Variants in ANK3 observed in about 807,000 individuals in gnomAD.
ANK3 encodes ankyrin-3.
Under a neutral mutation model 370.9 loss-of-function variants are expected in ANK3, and 57 were observed. The observed-to-expected ratio is 0.15, with a 90% CI of 0.12 to 0.19. The LOEUF is 0.19. ANK3 is among the 10% of genes least tolerant of loss of function. ANK3 has a pLI of 1.00. For synonymous variants in ANK3, 1,929 were observed against 1,946.3 expected (o/e 0.99, Z 0.23); for missense variants, 4,439 against 5,302.1 (o/e 0.84, Z 5.06).
intron 1 of ANK3, among the ~76,000 whole-genome samples, chr10:60,371,969 A>G (rs1594684613): frequency 6.6e-6 from 1 of 152,350 alleles, no homozygotes; most frequent in East Asian, 1.9e-4. Flanking sequence ...TTTAGAATAT[A>G]ATTTCTAAGT....
At chr10:60,198,577 G>GA in intron 13 of ANK3, 40 bp from the exon 14 acceptor site, 1 of 1,578,270 alleles carries the variant, frequency 6.3e-7, no homozygotes, top group Non-Finnish European at 8.7e-7. Context: ...ATGAGCTGAG[G>GA]AAACAATGGT....
chr10:60,707,286 A>G (rs929084774), intron 1 of ANK3, among the ~76,000 whole-genome samples: 8 of 152,106 alleles, frequency 5.3e-5, no homozygotes, highest in Admixed American at 5.2e-4. Context: ...TCAATATGAA[A>G]CCTTACATCA....
At chr10:60,518,387 A>T (rs2076273135) in intron 2 of ANK3, among the ~76,000 whole-genome samples, 1 of 152,088 alleles carries the variant, frequency 6.6e-6, no homozygotes, top group African/African-American at 2.4e-5. Context: ...CCCTAACGTT[A>T]CTACAGGAAG....
chr10:60,253,464 C>A (rs72820477), intron 7 of ANK3, among the ~76,000 whole-genome samples: 1 of 152,126 alleles, frequency 6.6e-6, no homozygotes, highest in African/African-American at 2.4e-5. Context: ...TATAAATGGA[C>A]ATCAGATAAA....
chr10:60,584,307 T>C (rs149934193), intron 2 of ANK3, among the ~76,000 whole-genome samples: 33 of 152,278 alleles, frequency 2.2e-4, no homozygotes, highest in African/African-American at 7.2e-4. Flanking sequence ...GTCCTTAGCA[T>C]TTTGATTATG....
intron 2 of ANK3, among the ~76,000 whole-genome samples, chr10:60,590,681 T>A (rs1340952922): frequency 6.6e-6 from 1 of 152,216 alleles, no homozygotes; most frequent in African/African-American, 2.4e-5. Context: ...ACATGGACAT[T>A]GGGAAATCTG....
intron 15 of ANK3, 66 bp downstream of exon 15, chr10:60,196,461 T>C: frequency 8.7e-7 from 1 of 1,146,856 alleles, no homozygotes; most frequent in Non-Finnish European, 1.3e-6. Flanking sequence ...TATTAGTGAA[T>C]ATTAGCAAGG....
chr10:60,642,024 T>G, intron 1 of ANK3, among the ~76,000 whole-genome samples: 2 of 135,838 alleles, frequency 1.5e-5, no homozygotes, highest in African/African-American at 5.5e-5. Context: ...AAAAAACACA[T>G]GAAAAAATGT....
chr10:60,525,912 T>C (rs1475046098), intron 2 of ANK3, among the ~76,000 whole-genome samples: 1 of 152,104 alleles, frequency 6.6e-6, no homozygotes, highest in Non-Finnish European at 1.5e-5. Context: ...GGGGAGATGG[T>C]CCAGACTGCC....
intron 1 of ANK3, among the ~76,000 whole-genome samples, chr10:60,714,300 G>A (rs559738233): frequency 6.6e-6 from 1 of 152,158 alleles, no homozygotes; most frequent in African/African-American, 2.4e-5. Context: ...GTTCACTGGT[G>A]ACTTCGACCA....
At position 60,298,003 on chromosome 10, in the gene ANK3, A is replaced by AAT. The variant is rs201742547; in HGVS notation, c.115-18366_115-18365dup. Among the ~76,000 whole-genome samples the AAT allele has an allele frequency of 8.8e-4, 134 of 152,176 alleles. 2 individuals are homozygous for AAT. In the East Asian group the frequency reaches 0.025, roughly 28 times the overall value. ...TTTATTACTGGATCAATCATTGAAAAATATATATATAACATAGGAAACATC... is the reference window on the plus strand; with the variant it reads ...TTTATTACTGGATCAATCATTGAAAAATATATATATATAACATAGGAAACATC... On this transcript the variant is annotated intron_variant, in intron 1 of 43. Coordinates refer to ENST00000280772, the MANE Select transcript of ANK3 (RefSeq NM_020987.5).
intron 2 of ANK3, among the ~76,000 whole-genome samples, chr10:60,453,292 T>C (rs1170032588): frequency 1.3e-5 from 2 of 152,200 alleles, no homozygotes; most frequent in Non-Finnish European, 2.9e-5. Context: ...GACCGGGGGC[T>C]CTTTTCACCC....
intron 1 of ANK3, among the ~76,000 whole-genome samples, chr10:60,732,867 T>G (rs1039579458): frequency 6.6e-6 from 1 of 151,690 alleles, no homozygotes; most frequent in Non-Finnish European, 1.5e-5. Flanking sequence ...GGCACGGAGT[T>G]GGAGGGGCGA....
In ANK3 at chr10:60,472,899, T is replaced by C. The variant is rs777357284; in HGVS notation, c.96+142287A>G. On this transcript the variant is annotated intron_variant, in intron 2 of 43. Coordinates refer to the ANK3 transcript ENST00000373827. ...GCATTCATTGCCTATGACAGCATCC[T>C]CTTCTTCATGGAGCTCAAAGATTCA... 5.9e-5 allele frequency among the ~76,000 whole-genome samples: 9 copies of C among 152,184 alleles called. No homozygotes were observed. The South Asian group carries it at 1.7e-3, about 28-fold the overall frequency.
intron 2 of ANK3, among the ~76,000 whole-genome samples, chr10:60,436,098 T>TA (rs1439213938): frequency 1.3e-5 from 2 of 149,434 alleles, no homozygotes; most frequent in East Asian, 2.0e-4. Flanking sequence ...CAAAAAAAAA[T>TA]AAATAAATAA....
intron 2 of ANK3, among the ~76,000 whole-genome samples, chr10:60,430,519 G>A (rs1183458673): frequency 1.3e-5 from 2 of 152,216 alleles, no homozygotes; most frequent in South Asian, 2.1e-4. Context: ...GTAATTCTTT[G>A]TTCAAATCAG....
At chr10:60,521,658 T>C (rs2076349977) in intron 2 of ANK3, among the ~76,000 whole-genome samples, 1 of 152,132 alleles carries the variant, frequency 6.6e-6, no homozygotes, top group Non-Finnish European at 1.5e-5. Context: ...ACCCTAGTCA[T>C]TTTAATGTTT....
chr10:60,265,443 A>C (rs1320217200), intron 5 of ANK3, among the ~76,000 whole-genome samples: 1 of 152,170 alleles, frequency 6.6e-6, no homozygotes, highest in Non-Finnish European at 1.5e-5. Flanking sequence ...ATTTCACTGC[A>C]GTGAAATTAA....
intron 16 of ANK3, 35 bp downstream of exon 16, chr10:60,196,110 C>A: frequency 6.4e-7 from 1 of 1,567,238 alleles, no homozygotes; most frequent in South Asian, 1.1e-5. Context: ...TAGACCTTAC[C>A]CATCAGTCTC....
Sources: allele counts gnomAD v4.1 joint callset (sites outside exome capture counted in the v4.1 genomes callset), GRCh38; gene constraint gnomAD v4.1.1; transcripts MANE v1.5; gene names NCBI Gene and HGNC (gene_info 2026-07-23, HGNC 2026-07-21).